RANBP2: variants seen among roughly 807,000 people sequenced by gnomAD.
The protein encoded by RANBP2 is RAN binding protein 2, also known as E3 SUMO-protein ligase RanBP2.
In RANBP2, 57 loss-of-function variants were observed where a neutral mutation model predicts 303.6. The ratio of observed to expected loss-of-function variants is 0.19; its 90% confidence interval spans 0.15 to 0.23. The LOEUF (loss-of-function observed/expected upper bound fraction) is 0.23. Among genes scored for constraint, RANBP2 ranks in the 10% least tolerant of loss-of-function variants. The probability of loss-of-function intolerance (pLI) is 1.00; values close to 1 mark genes in which losing one functional copy is unlikely to be tolerated. For synonymous variants in RANBP2, 1,167 were observed against 1,301.5 expected (o/e 0.90, Z 2.23); for missense variants, 3,138 against 3,780.8 (o/e 0.83, Z 4.46).
the RANBP2 span, among the ~76,000 whole-genome samples, chr2:109,418,249 T>A: frequency 6.6e-6 from 1 of 152,118 alleles, no homozygotes; most frequent in African/African-American, 2.4e-5. Context: ...GTCTCCCTCC[T>A]TGAAGGGAGG....
the RANBP2 span, among the ~76,000 whole-genome samples, chr2:109,529,835 C>T: frequency 2.6e-4 from 39 of 152,284 alleles, no homozygotes; most frequent in Middle Eastern, 0.024. Flanking sequence ...CCTCACTTCC[C>T]CACTGGGCTG....
the RANBP2 span, among the ~76,000 whole-genome samples, chr2:109,023,372 A>C: frequency 2.0e-5 from 3 of 152,250 alleles, no homozygotes; most frequent in Non-Finnish European, 2.9e-5. Context: ...TCTAATTACA[A>C]CAGTAATATA....
chr2:109,251,356 C>G, the RANBP2 span: 1 of 583,004 alleles, frequency 1.7e-6, no homozygotes, highest in Admixed American at 2.2e-5. Flanking sequence ...CCCGGCCTGC[C>G]GCGGGAGCAT....
chr2:109,413,500 C>T, the RANBP2 span, among the ~76,000 whole-genome samples: 1 of 152,184 alleles, frequency 6.6e-6, no homozygotes, highest in Non-Finnish European at 1.5e-5. Context: ...CTGTCTGTCT[C>T]TTTCTATCTC....
chr2:109,265,737 T>TA, the RANBP2 span, among the ~76,000 whole-genome samples: 4 of 152,226 alleles, frequency 2.6e-5, no homozygotes, highest in Non-Finnish European at 5.9e-5. Flanking sequence ...GCAGGGTTTT[T>TA]ATCAATAAAA....
chr2:109,108,049 G>A, the RANBP2 span, among the ~76,000 whole-genome samples: 4 of 152,372 alleles, frequency 2.6e-5, no homozygotes, highest in Admixed American at 2.6e-4. Flanking sequence ...GGGACTACAG[G>A]CGCCTGCCAC....
At chr2:109,554,322 C>T in the RANBP2 span, among the ~76,000 whole-genome samples, 1 of 152,160 alleles carries the variant, frequency 6.6e-6, no homozygotes, top group Non-Finnish European at 1.5e-5. Flanking sequence ...CACCGCATTG[C>T]TTATTGTCCT....
chr2:108,768,748 T>C (rs1225621948), intron 20 of RANBP2, among the ~76,000 whole-genome samples: 1 of 152,164 alleles, frequency 6.6e-6, no homozygotes, highest in Non-Finnish European at 1.5e-5. Context: ...AACATGATAT[T>C]GAGGCTGGGC....
downstream of RANBP2, among the ~76,000 whole-genome samples, chr2:108,786,130 A>C (rs907919709): frequency 1.9e-4 from 15 of 81,056 alleles, no homozygotes; most frequent in Non-Finnish European, 5.2e-5. Context: ...TTTTCTTTTC[A>C]AAAAAAAAAA....
chr2:109,154,401 G>C, the RANBP2 span, among the ~76,000 whole-genome samples: 21,515 of 152,218 alleles, frequency 0.14, 1,686 homozygotes, highest in Middle Eastern at 0.21. Flanking sequence ...GCCCCCCAGC[G>C]CTGCTGCCAT....
chr2:109,436,754 T>G, the RANBP2 span: 1 of 1,333,552 alleles, frequency 7.5e-7, no homozygotes, highest in South Asian at 1.5e-5. Flanking sequence ...TGACGGGCAT[T>G]GTTTTAGGAC....
the RANBP2 span, among the ~76,000 whole-genome samples, chr2:109,393,580 G>A: frequency 1.3e-5 from 2 of 152,158 alleles, no homozygotes; most frequent in Non-Finnish European, 2.9e-5. Flanking sequence ...AAAGAGTCAT[G>A]TGTTGCCTTC....
the RANBP2 span, among the ~76,000 whole-genome samples, chr2:109,289,422 T>C: frequency 1.3e-5 from 2 of 152,158 alleles, no homozygotes; most frequent in African/African-American, 4.8e-5. Flanking sequence ...TGTTGGAACA[T>C]GAGCTTGGAT....
chr2:108,791,433 G>C, the RANBP2 span: 1 of 484,072 alleles, frequency 2.1e-6, no homozygotes, highest in South Asian at 1.7e-5. Context: ...ACCACAGGTA[G>C]GTATATGTCA....
At chr2:109,278,273 C>T in the RANBP2 span, among the ~76,000 whole-genome samples, 2 of 152,196 alleles carry the variant, frequency 1.3e-5, no homozygotes, top group South Asian at 2.1e-4. Flanking sequence ...GGCACTTTAT[C>T]GGCAGGGCCC....
At chr2:109,242,706 C>G in the RANBP2 span, among the ~76,000 whole-genome samples, 168 of 152,272 alleles carry the variant, frequency 1.1e-3, 1 homozygote, top group African/African-American at 3.8e-3. Flanking sequence ...TTTCGTGAGC[C>G]CTGGTCTGGG....
the RANBP2 span, among the ~76,000 whole-genome samples, chr2:109,305,049 G>A: frequency 6.6e-6 from 1 of 152,196 alleles, no homozygotes; most frequent in African/African-American, 2.4e-5. Flanking sequence ...TGGGTTTGTT[G>A]CGGTTCCCCG....
chr2:109,094,854 A>C, the RANBP2 span, among the ~76,000 whole-genome samples: 54 of 152,334 alleles, frequency 3.5e-4, no homozygotes, highest in African/African-American at 1.2e-3. Flanking sequence ...AACAAACAAA[A>C]AAACAACTGA....
the RANBP2 span, among the ~76,000 whole-genome samples, chr2:109,315,838 A>C: frequency 6.6e-6 from 1 of 152,088 alleles, no homozygotes; most frequent in Non-Finnish European, 1.5e-5. Context: ...ATGACCTTTG[A>C]TCTTACCTGT....
Sources: gnomAD v4.1 joint callset for allele counts (sites outside exome capture counted in the v4.1 genomes callset) on GRCh38, gnomAD v4.1.1 for gene constraint, MANE v1.5 for transcripts, NCBI Gene and HGNC (gene_info 2026-07-23, HGNC 2026-07-21) for gene names.